ZSCAN25: variants seen among roughly 807,000 people sequenced by gnomAD.
ZSCAN25 encodes the protein zinc finger and SCAN domain-containing protein 25.
ZSCAN25 carries 27 observed loss-of-function variants against 38.7 expected under a neutral mutation model. The observed-to-expected ratio is 0.70, with a 90% CI of 0.51 to 0.96. ZSCAN25 has a LOEUF of 0.96. Among genes scored for constraint, ZSCAN25 ranks in the 40% least tolerant of loss-of-function variants. The probability of loss-of-function intolerance (pLI) is 0.00; values close to 1 mark genes in which losing one functional copy is unlikely to be tolerated. For synonymous variants in ZSCAN25, 273 were observed against 277.7 expected (o/e 0.98, Z 0.17); for missense variants, 637 against 705.9 (o/e 0.90, Z 1.11).
the ZSCAN25 span, among the ~76,000 whole-genome samples, chr7:99,689,685 A>C: frequency 1.7e-3 from 265 of 152,330 alleles, 3 homozygotes; most frequent in African/African-American, 5.6e-3. Context: ...ATCATGAGTG[A>C]ACTCCCATTC....
rs999270806 is a variant in ZSCAN25 at position 99,630,510 on chromosome 7, G to A, written c.*490G>A. On this transcript the variant is annotated 3_prime_UTR_variant, in exon 8 of 8. Transcript: ENST00000394152. ...TGCCGTGGTGAATGAGAGACTAGAC[G>A]TGATGCCTCTGGGGGTTGTGCGTTG... The A allele has an allele frequency of 3.0e-6, 3 of 994,472 alleles. No homozygotes were observed. The highest frequency in any genetic ancestry group is 3.6e-6 in the Non-Finnish European group (3 of 835,544). 61.6% of individuals were successfully genotyped at this position (994,472 alleles called of 1,614,324 possible). A position where few individuals can be genotyped will look rare whatever the true frequency, so the allele number is the denominator to read the frequency against.
the ZSCAN25 span, chr7:99,663,799 C>T: frequency 3.9e-4 from 520 of 1,321,240 alleles, no homozygotes; most frequent in Middle Eastern, 4.1e-3. Context: ...GACTCATTCT[C>T]ATCTCCTTCC....
At chr7:99,694,419 C>G in the ZSCAN25 span, among the ~76,000 whole-genome samples, 4 of 152,170 alleles carry the variant, frequency 2.6e-5, no homozygotes, top group African/African-American at 9.7e-5. Flanking sequence ...AGTTTTCCAG[C>G]TTAACATGGA....
the ZSCAN25 span, among the ~76,000 whole-genome samples, chr7:99,708,160 C>T: frequency 1.3e-5 from 2 of 152,186 alleles, no homozygotes; most frequent in East Asian, 1.9e-4. Flanking sequence ...ATCCTTTCTA[C>T]TCTCCTTACA....
chr7:99,683,388 T>C, the ZSCAN25 span, among the ~76,000 whole-genome samples: 5 of 152,212 alleles, frequency 3.3e-5, no homozygotes, highest in African/African-American at 1.2e-4. Flanking sequence ...CTAATTATCT[T>C]GTCCTCTTGT....
chr7:99,713,031 G>A, the ZSCAN25 span, among the ~76,000 whole-genome samples: 2 of 152,174 alleles, frequency 1.3e-5, no homozygotes. Context: ...CCCTTATTTG[G>A]ATAGCATGGC....
At chr7:99,707,796 C>A in the ZSCAN25 span, 2 of 1,613,562 alleles carry the variant, frequency 1.2e-6, no homozygotes, top group African/African-American at 1.3e-5. Context: ...ATTATTAATG[C>A]AGAAAATTGA....
the ZSCAN25 span, among the ~76,000 whole-genome samples, chr7:99,691,251 C>T: frequency 6.8e-6 from 1 of 147,572 alleles, no homozygotes. Flanking sequence ...AATGAGAACA[C>T]ATGGACACAG....
downstream of ZSCAN25, among the ~76,000 whole-genome samples, chr7:99,633,180 C>T (rs145237551): frequency 8.5e-5 from 13 of 152,182 alleles, no homozygotes; most frequent in East Asian, 2.3e-3. Context: ...TTTGCATACC[C>T]ATGGCGTGAT....
chr7:99,699,427 C>T, the ZSCAN25 span, among the ~76,000 whole-genome samples: 2 of 151,976 alleles, frequency 1.3e-5, no homozygotes, highest in Admixed American at 6.6e-5. Flanking sequence ...TCTTGGTGTT[C>T]CCCGGTGTGT....
At chr7:99,681,253 G>A in the ZSCAN25 span, among the ~76,000 whole-genome samples, 1,849 of 152,278 alleles carry the variant, frequency 0.012, 37 homozygotes, top group African/African-American at 0.043. Flanking sequence ...GTGAATAGTG[G>A]CTATTGTGAA....
At chr7:99,683,376 A>G in the ZSCAN25 span, among the ~76,000 whole-genome samples, 1 of 152,300 alleles carries the variant, frequency 6.6e-6, no homozygotes, top group South Asian at 2.1e-4. Flanking sequence ...ATTTATGTCT[A>G]TCTAATTATC....
At chr7:99,686,681 G>C in the ZSCAN25 span, among the ~76,000 whole-genome samples, 9 of 152,308 alleles carry the variant, frequency 5.9e-5, no homozygotes, top group African/African-American at 2.2e-4. Context: ...CACGCAGCTG[G>C]AGATCTGAGA....
At chr7:99,736,862 G>A in the ZSCAN25 span, among the ~76,000 whole-genome samples, 1,573 of 152,222 alleles carry the variant, frequency 0.01, 31 homozygotes, top group African/African-American at 0.035. Context: ...GCAGTGTTGT[G>A]CCAGGTATGT....
chr7:99,676,693 A>G, the ZSCAN25 span: 21,819 of 566,928 alleles, frequency 0.038, 518 homozygotes, highest in Non-Finnish European at 0.054. Flanking sequence ...TGCCCTTACA[A>G]TTTGCTCAGA....
the ZSCAN25 span, chr7:99,721,044 C>G: frequency 6.5e-6 from 1 of 153,334 alleles, no homozygotes; most frequent in Non-Finnish European, 1.5e-5. Context: ...AACGAACACA[C>G]CACTGCACCT....
the ZSCAN25 span, among the ~76,000 whole-genome samples, chr7:99,699,430 C>A: frequency 6.6e-6 from 1 of 151,970 alleles, no homozygotes; most frequent in Non-Finnish European, 1.5e-5. Flanking sequence ...TGGTGTTCCC[C>A]GGTGTGTTAT....
At chr7:99,707,470 A>G in the ZSCAN25 span, among the ~76,000 whole-genome samples, 1 of 152,240 alleles carries the variant, frequency 6.6e-6, no homozygotes, top group Non-Finnish European at 1.5e-5. Flanking sequence ...GCATCATTCA[A>G]AAGTCAAAAC....
the ZSCAN25 span, chr7:99,722,234 T>C: frequency 2.5e-6 from 4 of 1,603,310 alleles, no homozygotes; most frequent in Non-Finnish European, 2.6e-6. Flanking sequence ...CTATCCTCTG[T>C]GCAGTGGGGT....
Sources: allele counts gnomAD v4.1 joint callset (sites outside exome capture counted in the v4.1 genomes callset), GRCh38; gene constraint gnomAD v4.1.1; transcripts MANE v1.5; gene names NCBI Gene and HGNC (gene_info 2026-07-23, HGNC 2026-07-21).